Variants in TMA7B observed in about 807,000 individuals in gnomAD.
The protein encoded by TMA7B is translation machinery-associated protein 7B.
At chr22:39,962,855 G>A in the TMA7B span, among the ~76,000 whole-genome samples, 1 of 152,032 alleles carries the variant, frequency 6.6e-6, no homozygotes, top group Non-Finnish European at 1.5e-5. Context: ...TTTCAGTAGA[G>A]ACGGGGTTTC....
the TMA7B span, chr22:39,964,517 TG>T: frequency 1.1e-6 from 1 of 950,280 alleles, no homozygotes. Flanking sequence ...GCGAAGGTCG[TG>T]GGGAAGGGGC....
chr22:39,961,608 A>G, the TMA7B span, among the ~76,000 whole-genome samples: 1 of 152,210 alleles, frequency 6.6e-6, no homozygotes, highest in Non-Finnish European at 1.5e-5. Context: ...GACATTACAC[A>G]GCCCCAAACT....
At chr22:39,962,276 A>G in the TMA7B span, among the ~76,000 whole-genome samples, 1 of 151,980 alleles carries the variant, frequency 6.6e-6, no homozygotes, top group Non-Finnish European at 1.5e-5. Context: ...TAAAAAATTA[A>G]CCCAGTGCAG....
the TMA7B span, among the ~76,000 whole-genome samples, chr22:39,961,816 G>A: frequency 6.6e-6 from 1 of 152,206 alleles, no homozygotes; most frequent in African/African-American, 2.4e-5. Flanking sequence ...AAGGCATAAA[G>A]CTTTGTTTTA....
the TMA7B span, chr22:39,960,397 C>T: frequency 7.8e-5 from 38 of 489,622 alleles, no homozygotes; most frequent in Non-Finnish European, 1.3e-4. Context: ...ATTATTTCTA[C>T]GCCCATCTGC....
chr22:39,964,407 A>C, the TMA7B span: 2 of 809,030 alleles, frequency 2.5e-6, no homozygotes, highest in Non-Finnish European at 4.2e-6. Context: ...AGAAGAAGGC[A>C]CTGAAACAGC....
the TMA7B span, chr22:39,960,933 C>T: frequency 6.7e-6 from 1 of 148,476 alleles, no homozygotes; most frequent in Non-Finnish European, 1.5e-5. Context: ...GGAAACTGAA[C>T]AAGGCCTGTC....
chr22:39,964,552 A>T, the TMA7B span: 1 of 834,306 alleles, frequency 1.2e-6, no homozygotes, highest in Non-Finnish European at 2.1e-6. Context: ...TGGAATTAAG[A>T]AATCTGGCAA....
At chr22:39,962,475 A>G in the TMA7B span, among the ~76,000 whole-genome samples, 25 of 152,100 alleles carry the variant, frequency 1.6e-4, no homozygotes, top group African/African-American at 6.0e-4. Context: ...ATTAGAAAAA[A>G]CAATTATACA....
chr22:39,964,651 T>C, the TMA7B span: 1 of 601,726 alleles, frequency 1.7e-6, no homozygotes, highest in African/African-American at 1.9e-5. Context: ...TAATATCTTT[T>C]GCCACCTATA....
the TMA7B span, among the ~76,000 whole-genome samples, chr22:39,961,677 G>C: frequency 6.6e-5 from 10 of 152,224 alleles, no homozygotes; most frequent in Non-Finnish European, 1.0e-4. Context: ...CGCAAGTCAC[G>C]TATCAGACTT....
chr22:39,961,287 G>T, the TMA7B span, among the ~76,000 whole-genome samples: 2 of 152,076 alleles, frequency 1.3e-5, no homozygotes, highest in Admixed American at 1.3e-4. Flanking sequence ...TCACTCAGGG[G>T]GAGAAAGAGG....
At chr22:39,964,226 C>T in the TMA7B span, 2 of 576,046 alleles carry the variant, frequency 3.5e-6, no homozygotes, top group East Asian at 2.9e-5. Flanking sequence ...AAGGCTCAGC[C>T]CACCCTTCCT....
chr22:39,962,615 T>G, the TMA7B span, among the ~76,000 whole-genome samples: 2 of 152,110 alleles, frequency 1.3e-5, no homozygotes, highest in African/African-American at 4.8e-5. Flanking sequence ...TTGGTTTGCA[T>G]GAAGATGACT....
At chr22:39,964,583 C>T in the TMA7B span, 1 of 788,256 alleles carries the variant, frequency 1.3e-6, no homozygotes, top group Non-Finnish European at 2.3e-6. Context: ...GTTCCTTGTG[C>T]CTAAGGAGAC....
the TMA7B span, chr22:39,964,715 TAA>T: frequency 0.042 from 12,678 of 303,240 alleles, no homozygotes; most frequent in East Asian, 0.065. Context: ...TAAACTTTTG[TAA>T]AAAAAAAAAA....
At chr22:39,963,477 A>C in the TMA7B span, among the ~76,000 whole-genome samples, 1 of 152,196 alleles carries the variant, frequency 6.6e-6, no homozygotes, top group African/African-American at 2.4e-5. Context: ...CTGGATGTGA[A>C]GGATAATGAC....
chr22:39,963,940 TG>T, the TMA7B span: 1 of 154,020 alleles, frequency 6.5e-6, no homozygotes, highest in Non-Finnish European at 1.4e-5. Context: ...GGCATGAACC[TG>T]GGAGGTGGTG....
the TMA7B span, chr22:39,964,507 G>A: frequency 2.0e-6 from 2 of 1,025,170 alleles, no homozygotes; most frequent in Non-Finnish European, 3.0e-6. Context: ...GGTGCTAAAA[G>A]CGAAGGTCGT....
Sources: gnomAD v4.1 joint callset for allele counts (sites outside exome capture counted in the v4.1 genomes callset) on GRCh38, gnomAD v4.1.1 for gene constraint, MANE v1.5 for transcripts, NCBI Gene and HGNC (gene_info 2026-07-23, HGNC 2026-07-21) for gene names.